MOXD1: variants seen among roughly 807,000 people sequenced by gnomAD.
MOXD1 encodes DBH-like monooxygenase protein 1.
MOXD1 carries 62 observed loss-of-function variants against 66.6 expected under a neutral mutation model. The observed-to-expected ratio is 0.93, with a 90% confidence interval of 0.76 to 1.15. The LOEUF is 1.15. Among genes scored for constraint, MOXD1 ranks in the 50% most tolerant of loss-of-function variants. MOXD1 has a pLI of 0.00. For missense variants in MOXD1, 847 were observed against 754.6 expected, an observed-to-expected ratio of 1.12 and a Z score of -1.44; for synonymous variants, 303 against 281.9, an observed-to-expected ratio of 1.07 and a Z score of -0.75.
At chr6:132,369,901 C>T (rs1776230033) in intron 4 of MOXD1, among the ~76,000 whole-genome samples, 1 of 151,998 alleles carries the variant, frequency 6.6e-6, no homozygotes, top group Non-Finnish European at 1.5e-5. Context: ...CCCATGGAAC[C>T]ACAGATAAGT....
At chr6:132,328,650 C>T in intron 4 of MOXD1, 56 bp from the exon 5 acceptor site, 1 of 1,499,194 alleles carries the variant, frequency 6.7e-7, no homozygotes, top group South Asian at 1.2e-5. Context: ...CCTACAACAT[C>T]CCACAACAAA....
At position 132,328,020 on chromosome 6, in the gene MOXD1, A is replaced by C; in HGVS notation, c.939T>G (p.Tyr313Ter). The change falls in exon 6 of 12, where the codon TAT (tyrosine) becomes TAG (stop). Residue 313 changes from tyrosine (Y) to a stop codon, truncating the protein, a stop_gained. Coordinates refer to ENST00000367963, the MANE Select transcript of MOXD1 (RefSeq NM_015529.4). LOFTEE classifies it high-confidence loss of function. ...LLEVHYDNPT[Y>*]EEGLIDNSGL... Reference sequence around the variant, plus strand: ...TATGAATAATAAACTCACCTTCCTCATAAGTGGGATTATCATAATGGACTT... The same window carrying C: ...TATGAATAATAAACTCACCTTCCTCCTAAGTGGGATTATCATAATGGACTT... 2 of 1,610,550 alleles carry C rather than the reference A, an allele frequency of 1.2e-6. No individual in the cohort carries two copies. Among genetic ancestry groups the C allele is most frequent in the Non-Finnish European group, 1.7e-6 (2 of 1,177,036 alleles).
At chr6:132,321,510 A>G (rs1775078137) in intron 8 of MOXD1, among the ~76,000 whole-genome samples, 1 of 152,158 alleles carries the variant, frequency 6.6e-6, no homozygotes, top group Admixed American at 6.5e-5. Context: ...TTTGTACATT[A>G]CAATACATAT....
chr6:132,303,823 G>A (rs1774613884), intron 10 of MOXD1, among the ~76,000 whole-genome samples: 1 of 97,694 alleles, frequency 1.0e-5, no homozygotes, highest in African/African-American at 3.9e-5. Flanking sequence ...GTGTGTGTGT[G>A]TGTGTGTGTG....
At chr6:132,344,334 A>C (rs1165046923) in intron 4 of MOXD1, among the ~76,000 whole-genome samples, 1 of 152,206 alleles carries the variant, frequency 6.6e-6, no homozygotes, top group Admixed American at 6.5e-5. Context: ...GGATTGCATG[A>C]GATAAAAAAT....
At chr6:132,359,565 C>T (rs955960030) in intron 4 of MOXD1, among the ~76,000 whole-genome samples, 1 of 149,700 alleles carries the variant, frequency 6.7e-6, no homozygotes, top group Non-Finnish European at 1.5e-5. Flanking sequence ...CGGCTCACTG[C>T]AAGCTCCGCC....
chr6:132,320,769 A>T (rs919177613), intron 8 of MOXD1, 81 bp from the exon 9 acceptor site: 1 of 1,198,252 alleles, frequency 8.3e-7, no homozygotes, highest in Admixed American at 2.1e-5. Flanking sequence ...TCAACAGTTA[A>T]TATTTGCTGT....
chr6:132,325,335 CT>C (rs1775164613), intron 6 of MOXD1, among the ~76,000 whole-genome samples: 1 of 152,184 alleles, frequency 6.6e-6, no homozygotes. Flanking sequence ...GGTTAAATGT[CT>C]ATCTCCTCCA....
chr6:132,342,682 A>T (rs1775588805), intron 4 of MOXD1, among the ~76,000 whole-genome samples: 2 of 152,242 alleles, frequency 1.3e-5, no homozygotes, highest in Admixed American at 6.5e-5. Context: ...TTTTAGTTTA[A>T]CCTGTATTTC....
chr6:132,340,632 A>G, intron 4 of MOXD1, among the ~76,000 whole-genome samples: 1 of 141,192 alleles, frequency 7.1e-6, no homozygotes, highest in African/African-American at 2.9e-5. Flanking sequence ...TAAAACAACA[A>G]GACTCATTTT....
chr6:132,385,729 C>T (rs1421659903), intron 1 of MOXD1, among the ~76,000 whole-genome samples: 6 of 151,962 alleles, frequency 3.9e-5, no homozygotes, highest in African/African-American at 9.6e-5. Context: ...TGACCTCAAG[C>T]GATCTGCCTG....
Position 132,322,810 on chromosome 6 carries a change from G to C in MOXD1, c.1174C>G (p.Leu392Val). The change falls in exon 8 of 12, where the codon CTG becomes GTG. Residue 392 changes from leucine to valine, a missense_variant. Physicochemically the swap from Leu to Val is conservative, Grantham distance 32. Coordinates refer to ENST00000367963, the MANE Select transcript of MOXD1 (RefSeq NM_015529.4). Reference protein sequence around the residue: ...HVFAVLLHAHLAGRGIRLRHF... With the variant: ...HVFAVLLHAHVAGRGIRLRHF... ...CGCAGCCTGATGCCTCTGCCAGCCA[G>C]GTGAGCATGGAGAAGAACAGCAAAC... 1 of 1,614,072 alleles carries C rather than the reference G, an allele frequency of 6.2e-7. No individual in the cohort carries two copies. The highest frequency in any genetic ancestry group is 8.5e-7 in the Non-Finnish European group (1 of 1,179,976).
chr6:132,389,014 C>T (rs936565722), intron 1 of MOXD1, among the ~76,000 whole-genome samples: 9 of 151,152 alleles, frequency 6.0e-5, no homozygotes, highest in East Asian at 1.9e-4. Context: ...CTCAGTTCAA[C>T]GATTGCTGTG....
At chr6:132,388,977 C>A (rs1776702888) in intron 1 of MOXD1, among the ~76,000 whole-genome samples, 1 of 151,208 alleles carries the variant, frequency 6.6e-6, no homozygotes, top group African/African-American at 2.4e-5. Context: ...GCTCCTAGTT[C>A]AGAAAATTTT....
At chr6:132,352,496 G>C (rs1054869542) in intron 4 of MOXD1, among the ~76,000 whole-genome samples, 5 of 152,102 alleles carry the variant, frequency 3.3e-5, no homozygotes, top group Non-Finnish European at 5.9e-5. Context: ...GTCTGAGAAA[G>C]TGCTTGATAT....
intron 4 of MOXD1, among the ~76,000 whole-genome samples, chr6:132,340,637 C>CTTTT (rs1582582157): frequency 9.7e-6 from 1 of 102,988 alleles, no homozygotes; most frequent in East Asian, 5.2e-4. Context: ...CAACAAGACT[C>CTTTT]ATTTTTTTTT....
intron 4 of MOXD1, among the ~76,000 whole-genome samples, chr6:132,372,312 T>C (rs1019312128): frequency 5.3e-5 from 8 of 152,196 alleles, no homozygotes; most frequent in Admixed American, 5.2e-4. Context: ...AAATTGCAAT[T>C]CCAGTAATTC....
chr6:132,334,064 C>A (rs1053386388), intron 4 of MOXD1, among the ~76,000 whole-genome samples: 2 of 152,168 alleles, frequency 1.3e-5, no homozygotes, highest in Non-Finnish European at 1.5e-5. Context: ...TGACAACGAC[C>A]GTTTTTCCTA....
intron 4 of MOXD1, among the ~76,000 whole-genome samples, chr6:132,366,331 T>C (rs1373680758): frequency 6.6e-6 from 1 of 152,046 alleles, no homozygotes; most frequent in Admixed American, 6.6e-5. Context: ...GGAATGGATA[T>C]GGGTTAAAAA....
Sources: allele counts gnomAD v4.1 joint callset (sites outside exome capture counted in the v4.1 genomes callset), GRCh38; gene constraint gnomAD v4.1.1; transcripts MANE v1.5; gene names NCBI Gene and HGNC (gene_info 2026-07-23, HGNC 2026-07-21).